The following ARID3A variants were observed in gnomAD, a reference collection of about 807,000 sequenced individuals.
ARID3A encodes AT-rich interactive domain-containing protein 3A.
Under a neutral mutation model 52.7 loss-of-function variants are expected in ARID3A, and 11 were observed. The ratio of observed to expected loss-of-function variants is 0.21; its 90% confidence interval spans 0.13 to 0.35. The LOEUF (loss-of-function observed/expected upper bound fraction) is 0.35. ARID3A is among the 10% of genes least tolerant of loss of function. ARID3A has a pLI of 1.00. For missense variants in ARID3A, 721 were observed against 838.5 expected, an observed-to-expected ratio of 0.86 and a Z score of 1.73; for synonymous variants, 404 against 359.4, an observed-to-expected ratio of 1.12 and a Z score of -1.40.
At position 932,458 on chromosome 19, in the gene ARID3A, G is replaced by T. The variant is rs546907163; in HGVS notation, c.409G>T (p.Gly137Trp). 4 of 1,587,888 alleles carry T rather than the reference G, an allele frequency of 2.5e-6. No homozygotes were observed. Among genetic ancestry groups the T allele is most frequent in the Non-Finnish European group, 1.7e-6 (2 of 1,173,156 alleles). ...WEEEEMEEDL[G>W]EDEEEEEEDY... ...GGAGGAGGAGATGGAGGAAGACCTC[G>T]GGGAGGATGAGGAGGAGGAGGAGGA... Residue 137 changes from glycine (G) to tryptophan (W), a missense_variant, in exon 3 of 9, where the codon GGG (glycine) becomes TGG (tryptophan). Physicochemically the swap from Gly to Trp is radical, Grantham distance 184. Around this residue, in one of 5 missense-constraint regions of ARID3A, gnomAD observed 349 missense variants for 297.3 expected, o/e 1.17. Coordinates refer to ENST00000263620, the MANE Select transcript of ARID3A (RefSeq NM_005224.3).
rs377312491 is a variant in ARID3A, at chr19:966,774, C to T, written c.1401C>T (p.Ala467=). The change falls in exon 7 of 9, where the codon GCC becomes GCT. Residue 467 remains alanine, a synonymous_variant. Coordinates refer to ENST00000263620, the MANE Select transcript of ARID3A (RefSeq NM_005224.3). ...EPPEKKMALV[A]DEQQRLMQRA... is the part of the protein sequence containing the mutation. ...CGGAGAAGAAGATGGCCCTGGTGGC[C>T]GATGAGCAGCAACGGCTGATGCAAC... is the stretch of plus-strand genomic sequence containing the variant. The T allele has an allele frequency of 5.5e-5, 88 of 1,613,432 alleles. No individual in the cohort carries two copies. The highest frequency in any genetic ancestry group is 7.1e-5 in the Non-Finnish European group (84 of 1,180,000).
At chr19:967,548 G>A (rs1452408399) in intron 7 of ARID3A, among the ~76,000 whole-genome samples, 1 of 152,142 alleles carries the variant, frequency 6.6e-6, no homozygotes, top group Non-Finnish European at 1.5e-5. Context: ...GACAGAGCAA[G>A]ACCTGGTCTC....
At position 939,983 on chromosome 19, in the gene ARID3A, G is replaced by A. The variant is rs991029367; in HGVS notation, c.693+7241G>A. On this transcript the variant is annotated intron_variant, in intron 3 of 8. Coordinates refer to ENST00000263620, the MANE Select transcript of ARID3A (RefSeq NM_005224.3). ...CTGGGGTCTGCCGTGGCCTCGCCACGTCCATTTCAGACTGAGGCTTAGGGG... is the reference window on the plus strand; with the variant it reads ...CTGGGGTCTGCCGTGGCCTCGCCACATCCATTTCAGACTGAGGCTTAGGGG... 4.6e-5 allele frequency among the ~76,000 whole-genome samples: 7 copies of A among 152,222 alleles called. No homozygotes were observed. In the East Asian group the frequency reaches 5.8e-4, roughly 13 times the overall value.
At position 974,864 on chromosome 19, in the gene ARID3A, C is replaced by T. The variant is rs1347199495; in HGVS notation, c.*2799C>T. 52 of 85,794 alleles carry T rather than the reference C, an allele frequency of 6.1e-4. 1 individual carries two copies. Among genetic ancestry groups the T allele is most frequent in the East Asian group, 5.3e-3 (46 of 8,716 alleles). The allele number at this position is 85,794 out of a possible 1,614,324, so 5.3% of individuals were successfully genotyped here. On this transcript the variant is annotated 3_prime_UTR_variant, in exon 9 of 9. Coordinates refer to ENST00000263620, the MANE Select transcript of ARID3A (RefSeq NM_005224.3). ...TAACTCCGATGATTGTAGGGACAGG[C>T]GGGGTGGGTGGGGGGTGGGCGCGAG...
intron 3 of ARID3A, among the ~76,000 whole-genome samples, chr19:954,189 A>G (rs1469503359): frequency 6.6e-6 from 1 of 152,058 alleles, no homozygotes; most frequent in Non-Finnish European, 1.5e-5. Context: ...CCCCCACCCC[A>G]CCCAACTGCT....
chr19:951,092 G>A (rs1275335138), intron 3 of ARID3A, among the ~76,000 whole-genome samples: 2 of 152,154 alleles, frequency 1.3e-5, no homozygotes, highest in East Asian at 2.0e-4. Context: ...TAAGTGCTGG[G>A]ATTACAGGCG....
chr19:970,729 T>C (rs897791111), intron 8 of ARID3A, among the ~76,000 whole-genome samples: 3 of 151,950 alleles, frequency 2.0e-5, no homozygotes, highest in African/African-American at 4.8e-5. Flanking sequence ...GGTCTTGGCC[T>C]CCCAAAGTGC....
intron 2 of ARID3A, 39 bp from the exon 3 acceptor site, chr19:932,379 G>A: frequency 6.3e-7 from 1 of 1,580,842 alleles, no homozygotes; most frequent in East Asian, 2.3e-5. Context: ...GGACGAGCCA[G>A]CACCTTCTCC....
In ARID3A at chr19:974,244, C is replaced by T; in HGVS notation, c.*2179C>T. The T allele has an allele frequency of 4.4e-6, 1 of 227,228 alleles. No individual in the cohort carries two copies. The highest frequency in any genetic ancestry group is 8.8e-6 in the Non-Finnish European group (1 of 114,276). The allele number at this position is 227,228 out of a possible 1,614,324, so 14.1% of individuals were successfully genotyped here. ...CCTGTGTCTTTGGGGAGGGGACCCC[C>T]ACTTCCTTCTCGGATCTCAGGGCCG... On this transcript the variant is annotated 3_prime_UTR_variant, in exon 9 of 9. Transcript: ENST00000263620.
Position 960,251 on chromosome 19 carries a change from C to T in ARID3A, c.766+87C>T, listed in dbSNP as rs535131049. On this transcript the variant is annotated intron_variant, in intron 4 of 8. Transcript: ENST00000263620. The surrounding 1 kb of genome is among the most constrained non-coding windows in gnomAD (Gnocchi z 4.3). ...CCTACTGGCTCCAGGTATGTCGGGG[C>T]GGTGGTGAGCACCCCGTGGCTGGAG... is the stretch of plus-strand genomic sequence containing the variant. The T allele has an allele frequency of 2.1e-5, 27 of 1,275,952 alleles. No homozygotes were observed. Among genetic ancestry groups the T allele is most frequent in the African/African-American group, 1.2e-4 (8 of 66,188 alleles). 79.0% of individuals were successfully genotyped at this position (1,275,952 alleles called of 1,614,324 possible). A position where few individuals can be genotyped will look rare whatever the true frequency, so the allele number is the denominator to read the frequency against.
In ARID3A at chr19:974,977, G is replaced by T. The variant is rs930819723; in HGVS notation, c.*2912G>T. 2.8e-4 allele frequency: 66 copies of T among 232,376 alleles called. No individual in the cohort carries two copies. The highest frequency in any genetic ancestry group is 4.6e-4 in the Non-Finnish European group (54 of 117,580). 14.4% of individuals were successfully genotyped at this position (232,376 alleles called of 1,614,324 possible). On this transcript the variant is annotated 3_prime_UTR_variant, in exon 9 of 9. Transcript: ENST00000263620. ...GGGAGGCGGTTGCAGAGGGTCTATG[G>T]GGCCCGGTCCTGGATACTCGGCAGG...
chr19:939,369 G>A (rs746049698), intron 3 of ARID3A, among the ~76,000 whole-genome samples: 2 of 152,032 alleles, frequency 1.3e-5, no homozygotes, highest in Non-Finnish European at 2.9e-5. Context: ...TGCCCGCCTC[G>A]GCCTCCCAGA....
chr19:954,301 G>A (rs1322476588), intron 3 of ARID3A, among the ~76,000 whole-genome samples: 1 of 152,214 alleles, frequency 6.6e-6, no homozygotes, highest in Non-Finnish European at 1.5e-5. Context: ...AGCAGGTGGT[G>A]CTGGGAAGGG....
At chr19:955,885 T>A (rs1049814766) in intron 3 of ARID3A, among the ~76,000 whole-genome samples, 6 of 152,090 alleles carry the variant, frequency 3.9e-5, no homozygotes, top group Non-Finnish European at 7.4e-5. Flanking sequence ...AAACCTGTTC[T>A]CCCTCCGTCC....
Position 929,926 on chromosome 19 carries a change from G to A in ARID3A, c.368+30G>A. The A allele has an allele frequency of 6.5e-7, 1 of 1,536,816 alleles. No individual in the cohort carries two copies. Among genetic ancestry groups the A allele is most frequent in the African/African-American group, 1.4e-5 (1 of 73,106 alleles). On this transcript the variant is annotated intron_variant, in intron 2 of 8. Transcript: ENST00000263620. This position sits in a 1 kb window ranked among gnomAD's most constrained non-coding sequence, Gnocchi z 6.2. ...GTTGGGGTCTGGGGCAGGGCCTTCT[G>A]GGGGCTGTTACTGGCTCTGAGTGTC...
intron 3 of ARID3A, among the ~76,000 whole-genome samples, chr19:945,371 G>A (rs1176807322): frequency 6.6e-6 from 1 of 152,204 alleles, no homozygotes; most frequent in Non-Finnish European, 1.5e-5. Context: ...AGAGGGGACG[G>A]CGTGTGGCAT....
At position 971,973 on chromosome 19, in the gene ARID3A, C is replaced by T. The variant is rs374272985; in HGVS notation, c.1690C>T (p.Arg564Trp). The change falls in exon 9 of 9, where the codon CGG becomes TGG. Residue 564 changes from arginine to tryptophan, a missense_variant. By Grantham distance (101) the Arg-to-Trp change is moderately radical. This residue lies in a region of ARID3A where 297 missense variants were observed against 343.2 expected (regional missense o/e 0.87). Coordinates refer to ENST00000263620, the MANE Select transcript of ARID3A (RefSeq NM_005224.3). ...CGGCAGCAGCAGCAACGCAGGCGGC[C>T]GGGGAGGAAACACCGGAACCAGCGG... The part of the protein sequence containing the change: ...GGGSSSNAGG[R>W]GGNTGTSGGQ... 18 of 1,602,206 alleles carry T rather than the reference C, an allele frequency of 1.1e-5. No homozygotes were observed. Among genetic ancestry groups the T allele is most frequent in the Admixed American group, 1.7e-5 (1 of 58,322 alleles).
chr19:937,951 G>T (rs182478849), intron 3 of ARID3A, among the ~76,000 whole-genome samples: 3 of 151,544 alleles, frequency 2.0e-5, no homozygotes, highest in Non-Finnish European at 4.4e-5. Context: ...CTCGTGATCC[G>T]CCCGCCTCGG....
intron 3 of ARID3A, among the ~76,000 whole-genome samples, chr19:933,601 C>T (rs2037377896): frequency 1.3e-5 from 2 of 152,106 alleles, no homozygotes; most frequent in African/African-American, 4.8e-5. Flanking sequence ...TCGGGGCAGC[C>T]CCTTCGGCCC....
Sources: allele counts gnomAD v4.1 joint callset (sites outside exome capture counted in the v4.1 genomes callset), GRCh38; gene constraint gnomAD v4.1.1; regional missense constraint gnomAD v4.1.1; non-coding constraint Gnocchi (gnomAD v3.1); transcripts MANE v1.5; gene names NCBI Gene and HGNC (gene_info 2026-07-23, HGNC 2026-07-21).